GPR19: variants seen among roughly 807,000 people sequenced by gnomAD.
The protein encoded by GPR19 is G protein-coupled receptor 19, also known as probable G protein-coupled receptor 19.
Under a neutral mutation model 28.5 loss-of-function variants are expected in GPR19, and 14 were observed. The observed-to-expected ratio is 0.49, with a 90% CI of 0.32 to 0.77. GPR19 has a LOEUF of 0.77. Among genes scored for constraint, GPR19 ranks in the 30% least tolerant of loss-of-function variants. The pLI is 0.03. For synonymous variants in GPR19, 173 were observed against 184.1 expected (o/e 0.94, Z 0.49); for missense variants, 409 against 504.1 (o/e 0.81, Z 1.81).
At chr12:12,709,290 C>T in the GPR19 span, among the ~76,000 whole-genome samples, 2,218 of 152,142 alleles carry the variant, frequency 0.015, 60 homozygotes, top group African/African-American at 0.051. Context: ...CTTCAGGATC[C>T]GGAAACTGAA....
chr12:12,709,105 A>G, the GPR19 span, among the ~76,000 whole-genome samples: 4 of 152,200 alleles, frequency 2.6e-5, no homozygotes, highest in Non-Finnish European at 5.9e-5. Flanking sequence ...GGTTCAACCA[A>G]CAGAAACTCA....
At position 12,662,465 on chromosome 12, in the gene GPR19, T is replaced by C. The variant is rs1945694174; in HGVS notation, c.-17A>G. ...AAAAACCATATTCACTTTTTTTCTCTTAATTCTGGTTGGGGAAAAGAAGAA... is the reference window on the plus strand; with the variant it reads ...AAAAACCATATTCACTTTTTTTCTCCTAATTCTGGTTGGGGAAAAGAAGAA... On this transcript the variant is annotated 5_prime_UTR_variant, in exon 4 of 4. It removes the in-frame stop codon of an upstream open reading frame in the 5' UTR. Transcript: ENST00000651487. 6 of 1,607,008 alleles carry C rather than the reference T, an allele frequency of 3.7e-6. No homozygotes were observed. Among genetic ancestry groups the C allele is most frequent in the South Asian group, 1.1e-5 (1 of 90,558 alleles).
the GPR19 span, among the ~76,000 whole-genome samples, chr12:12,712,613 C>T: frequency 8.5e-5 from 13 of 152,268 alleles, no homozygotes; most frequent in African/African-American, 2.6e-4. Flanking sequence ...ATGAGGCCTT[C>T]CTCTTTCTCC....
At chr12:12,679,849 A>T (rs1945992218) in intron 3 of GPR19, among the ~76,000 whole-genome samples, 1 of 152,206 alleles carries the variant, frequency 6.6e-6, no homozygotes. Context: ...GTTTGTGCTT[A>T]TTGGGTGTCT....
intron 3 of GPR19, among the ~76,000 whole-genome samples, chr12:12,665,319 C>T (rs1401675215): frequency 6.6e-6 from 1 of 152,162 alleles, no homozygotes; most frequent in Non-Finnish European, 1.5e-5. Flanking sequence ...GGGGGCCCTT[C>T]CATCATTTCC....
intron 3 of GPR19, among the ~76,000 whole-genome samples, chr12:12,680,213 T>C (rs1945997333): frequency 6.6e-6 from 1 of 152,202 alleles, no homozygotes; most frequent in South Asian, 2.1e-4. Flanking sequence ...TGTGATATAG[T>C]AAAAAGAGCA....
chr12:12,691,022 T>C (rs1430501380), intron 2 of GPR19, among the ~76,000 whole-genome samples: 2 of 151,644 alleles, frequency 1.3e-5, no homozygotes, highest in Admixed American at 6.6e-5. Context: ...TGGGTTTTGA[T>C]TGAGTTGACT....
chr12:12,716,791 A>G, the GPR19 span: 1 of 984,692 alleles, frequency 1.0e-6, no homozygotes, highest in Non-Finnish European at 1.2e-6. Context: ...AGGCTGAGCG[A>G]ACCATTGCCC....
chr12:12,662,032 C>T lies in GPR19; in HGVS notation c.417G>A (p.Lys139=). The change falls in exon 4 of 4, where the codon AAG becomes AAA. Residue 139 remains lysine (K), a synonymous_variant. Coordinates refer to ENST00000651487, the MANE Select transcript of GPR19 (RefSeq NM_006143.3). ...TGAGATATTGAAAATATCGCACAAC[C>T]TTGCACGTTGCACTACCCAGCGTCC... ...GRWTLGSATC[K]VVRYFQYLTP... 4 of 1,614,218 alleles carry T rather than the reference C, an allele frequency of 2.5e-6. No homozygotes were observed. Among genetic ancestry groups the T allele is most frequent in the Non-Finnish European group, 3.4e-6 (4 of 1,180,032 alleles).
At chr12:12,673,359 T>C (rs1471006601) in intron 3 of GPR19, among the ~76,000 whole-genome samples, 3 of 152,232 alleles carry the variant, frequency 2.0e-5, no homozygotes, top group Non-Finnish European at 4.4e-5. Context: ...CACATGAAGA[T>C]GTCAGGGCAC....
At chr12:12,663,463 C>T (rs1007638080) in intron 3 of GPR19, among the ~76,000 whole-genome samples, 1 of 150,702 alleles carries the variant, frequency 6.6e-6, no homozygotes, top group Non-Finnish European at 1.5e-5. Flanking sequence ...TTACTAAGCA[C>T]TTTTTAAAAG....
At chr12:12,683,282 T>A (rs1361889492) in intron 3 of GPR19, among the ~76,000 whole-genome samples, 2 of 152,202 alleles carry the variant, frequency 1.3e-5, no homozygotes, top group Admixed American at 1.3e-4. Context: ...TAATTTAAGA[T>A]TAAATATAGA....
the GPR19 span, among the ~76,000 whole-genome samples, chr12:12,709,978 A>G: frequency 5.3e-5 from 8 of 152,162 alleles, no homozygotes; most frequent in African/African-American, 1.7e-4. Flanking sequence ...GGTTATGGGA[A>G]CAGAGTCTGA....
intron 3 of GPR19, among the ~76,000 whole-genome samples, chr12:12,676,494 G>C (rs1371003720): frequency 6.6e-6 from 1 of 152,200 alleles, no homozygotes; most frequent in Non-Finnish European, 1.5e-5. Context: ...CCAGCACTGA[G>C]AGTTTTTGAT....
Position 12,661,343 on chromosome 12 carries a change from T to C in GPR19, c.1106A>G (p.Lys369Arg). The part of the protein sequence containing the change: ...TITTSSRMAK[K>R]NYVGISEIPS... ...GATTTCTGAAATGCCAACGTAGTTT[T>C]TTTTGGCCATCCTTGAACTTGTTGT... Residue 369 changes from lysine (K) to arginine (R), a missense_variant, in exon 4 of 4, where the codon AAA becomes AGA. By Grantham distance (26) the Lys-to-Arg change is conservative. Transcript: ENST00000651487. This position sits in a 1 kb window ranked among gnomAD's most constrained non-coding sequence, Gnocchi z 4.2. 6.2e-7 allele frequency: 1 copy of C among 1,614,156 alleles called. No individual in the cohort carries two copies. The highest frequency in any genetic ancestry group is 8.5e-7 in the Non-Finnish European group (1 of 1,179,988).
chr12:12,683,200 A>G (rs1315557381), intron 3 of GPR19, among the ~76,000 whole-genome samples: 1 of 152,212 alleles, frequency 6.6e-6, no homozygotes, highest in African/African-American at 2.4e-5. Context: ...ACAGAGATCT[A>G]TACAGCACAA....
chr12:12,672,498 G>A (rs916841949), intron 3 of GPR19, among the ~76,000 whole-genome samples: 4 of 152,124 alleles, frequency 2.6e-5, no homozygotes, highest in African/African-American at 7.2e-5. Flanking sequence ...TATAATCCCA[G>A]CACTTTGGGA....
Position 12,661,673 on chromosome 12 carries a change from G to T in GPR19, c.776C>A (p.Thr259Lys). The T allele has an allele frequency of 6.2e-7, 1 of 1,613,802 alleles. No individual in the cohort carries two copies. Among genetic ancestry groups the T allele is most frequent in the Non-Finnish European group, 8.5e-7 (1 of 1,179,742 alleles). ...YIWRIGTDGR[T>K]VRRTMNIVPR... ...GACAATGTTCATTGTCCTCCTCACCGTTCGGCCATCTGTGCCTATTCTCCA... is the reference window on the plus strand; with the variant it reads ...GACAATGTTCATTGTCCTCCTCACCTTTCGGCCATCTGTGCCTATTCTCCA... Residue 259 changes from threonine to lysine, a missense_variant, in exon 4 of 4, where the codon ACG becomes AAG. Coordinates refer to ENST00000651487, the MANE Select transcript of GPR19 (RefSeq NM_006143.3). This position sits in a 1 kb window ranked among gnomAD's most constrained non-coding sequence, Gnocchi z 4.2.
intron 2 of GPR19, among the ~76,000 whole-genome samples, chr12:12,686,710 A>G (rs1287552478): frequency 2.0e-5 from 3 of 152,198 alleles, no homozygotes; most frequent in Admixed American, 6.5e-5. Flanking sequence ...ATAGTGTACT[A>G]TGCTATTCTG....
Sources: allele counts gnomAD v4.1 joint callset (sites outside exome capture counted in the v4.1 genomes callset), GRCh38; gene constraint gnomAD v4.1.1; non-coding constraint Gnocchi (gnomAD v3.1); transcripts MANE v1.5; gene names NCBI Gene and HGNC (gene_info 2026-07-23, HGNC 2026-07-21).